PALM: variants seen among roughly 807,000 people sequenced by gnomAD.
PALM encodes the protein paralemmin.
Under a neutral mutation model 30.7 loss-of-function variants are expected in PALM, and 18 were observed. The observed-to-expected ratio is 0.59, with a 90% CI of 0.41 to 0.87. The LOEUF is 0.87. Ranked by LOEUF, PALM falls within the 40% of genes least tolerant of loss-of-function variation. The pLI, the probability that PALM is intolerant of heterozygous loss-of-function variation, is 0.00. For synonymous variants in PALM, 286 were observed against 242.8 expected (o/e 1.18, Z -1.66); for missense variants, 529 against 555.4 (o/e 0.95, Z 0.48).
intron 4 of PALM, among the ~76,000 whole-genome samples, chr19:730,194 G>A (rs1049743856): frequency 1.0e-4 from 12 of 114,780 alleles, no homozygotes; most frequent in Non-Finnish European, 1.5e-4. Flanking sequence ...CCTGCAGGAA[G>A]CCCTCCAGGC....
At position 746,328 on chromosome 19, in the gene PALM, C is replaced by A. The variant is rs141530338; in HGVS notation, c.678C>A (p.Pro226=). ...GCACCGCCGAGAACGGGATCCACCC[C>A]CTGAGCTCCTCCGAGGTGGACGAAC... ...VDGTAENGIH[P]LSSSEVDELI... is the part of the protein sequence containing the mutation. Residue 226 remains proline (P), a synonymous_variant, in exon 9 of 9, where the codon CCC becomes CCA. Transcript: ENST00000338448. The surrounding 1 kb of genome is among the most constrained non-coding windows in gnomAD (Gnocchi z 7.1). 1 of 1,613,370 alleles carries A rather than the reference C, an allele frequency of 6.2e-7. No homozygotes were observed. The highest frequency in any genetic ancestry group is 1.7e-5 in the Admixed American group (1 of 59,988).
intron 1 of PALM, chr19:719,176 G>C (rs1225050779): frequency 1.2e-5 from 12 of 985,290 alleles, no homozygotes; most frequent in Non-Finnish European, 1.3e-5. Flanking sequence ...GTTCTGGAAG[G>C]ACGAGTGCGA....
In PALM at chr19:747,013, G is replaced by A. The variant is rs935584613; in HGVS notation, c.*199G>A. 14 of 584,608 alleles carry A rather than the reference G, an allele frequency of 2.4e-5. No homozygotes were observed. The highest frequency in any genetic ancestry group is 7.5e-5 in the African/African-American group (4 of 53,352). The allele number at this position is 584,608 out of a possible 1,614,324, so 36.2% of individuals were successfully genotyped here. ...GTCACCACGCCCCAACACTCCCCCC[G>A]AACCAGAGCCGTGCACTTGTGCCTG... On this transcript the variant is annotated 3_prime_UTR_variant, in exon 9 of 9. Transcript: ENST00000338448.
intron 7 of PALM, 128 bp from the exon 8 acceptor site, chr19:740,224 C>G: frequency 1.1e-6 from 1 of 918,588 alleles, no homozygotes; most frequent in Non-Finnish European, 1.6e-6. Context: ...CAGGCATCCC[C>G]GGCTCCGCCT....
At position 729,089 on chromosome 19, in the gene PALM, G is replaced by A. The variant is rs79783811; in HGVS notation, c.269+1395G>A. Among the ~76,000 whole-genome samples the A allele has an allele frequency of 0.021, 3,201 of 151,248 alleles. 229 individuals carry two copies. The East Asian group carries it at 0.28, about 13-fold the overall frequency. The stretch of plus-strand genomic sequence containing the variant: ...CACCTGTAATGCCAGCACTTTGGGA[G>A]GCCGAGGCAGGAGGATCACCTGAGG... On this transcript the variant is annotated intron_variant, in intron 4 of 8. Transcript: ENST00000338448.
chr19:719,662 G>T (rs1250437500), intron 1 of PALM: 2 of 980,958 alleles, frequency 2.0e-6, no homozygotes, highest in South Asian at 4.7e-5. Flanking sequence ...CAGCATGTAA[G>T]ACCTTTTGTG....
At position 722,124 on chromosome 19, in the gene PALM, T is replaced by C. The variant is rs1380702178; in HGVS notation, c.6-4014T>C. Among the ~76,000 whole-genome samples, 5 of 150,722 alleles carry C rather than the reference T, an allele frequency of 3.3e-5. No individual in the cohort carries two copies. The East Asian group carries it at 5.9e-4, about 18-fold the overall frequency. On this transcript the variant is annotated intron_variant, in intron 1 of 8. Transcript: ENST00000338448. The stretch of plus-strand genomic sequence containing the variant: ...TAGTAGAGACGGGGTTTCACCGTGT[T>C]AGCCAGGATGGTCTCGATCTCCTGA...
Position 726,129 on chromosome 19 carries a change from C to A in PALM, c.6-9C>A. On this transcript the variant is annotated splice_polypyrimidine_tract_variant and intron_variant, in intron 1 of 8. Transcript: ENST00000338448. ...TGAACCAGAGCTTGACCTTATCTCC[C>A]TCCCGCAGGGTCCTGGCGGCAGAGA... is the stretch of plus-strand genomic sequence containing the variant. 6.2e-7 allele frequency: 1 copy of A among 1,611,876 alleles called. No homozygotes were observed. The highest frequency in any genetic ancestry group is 8.5e-7 in the Non-Finnish European group (1 of 1,178,386).
chr19:714,237 A>G (rs2032181134), intron 1 of PALM, among the ~76,000 whole-genome samples: 1 of 143,246 alleles, frequency 7.0e-6, no homozygotes, highest in Non-Finnish European at 1.5e-5. Context: ...ACAGAGTTTC[A>G]CCATGTTGGC....
chr19:747,968 C>G lies in PALM; in HGVS notation c.*1154C>G, dbSNP rs578178017. ...GTCTCACACGTTGGCTTTGGACAAC[C>G]AGGCCCCAACTTGGTCCCTGCCCTA... is the stretch of plus-strand genomic sequence containing the variant. On this transcript the variant is annotated 3_prime_UTR_variant, in exon 9 of 9. Coordinates refer to ENST00000338448, the MANE Select transcript of PALM (RefSeq NM_002579.3). The G allele has an allele frequency of 1.3e-5, 2 of 152,730 alleles. No individual in the cohort carries two copies. Among genetic ancestry groups the G allele is most frequent in the South Asian group, 4.1e-4 (2 of 4,832 alleles). 9.5% of individuals were successfully genotyped at this position (152,730 alleles called of 1,614,324 possible).
chr19:717,008 C>G (rs1359700758), intron 1 of PALM, among the ~76,000 whole-genome samples: 1 of 151,992 alleles, frequency 6.6e-6, no homozygotes, highest in Non-Finnish European at 1.5e-5. Context: ...CGGCTCACTG[C>G]AACCTCCGCC....
chr19:719,813 G>C (rs1038937249), intron 1 of PALM, among the ~76,000 whole-genome samples: 2 of 152,092 alleles, frequency 1.3e-5, no homozygotes, highest in African/African-American at 4.8e-5. Flanking sequence ...CGCCCTGCCC[G>C]GCCTCAGTTT....
chr19:745,441 C>G (rs1271342897), intron 8 of PALM, among the ~76,000 whole-genome samples: 4 of 152,160 alleles, frequency 2.6e-5, no homozygotes, highest in African/African-American at 4.8e-5. Flanking sequence ...CGCCTGTCAT[C>G]CCAGCACTTT....
At position 709,652 on chromosome 19, in the gene PALM, G is replaced by A. The variant is rs2032005760; in HGVS notation, c.5+501G>A. Among the ~76,000 whole-genome samples the A allele has an allele frequency of 6.6e-6, 1 of 151,868 alleles. No individual in the cohort carries two copies. Among genetic ancestry groups the A allele is most frequent in the Non-Finnish European group, 1.5e-5 (1 of 67,898 alleles). ...TGCCCCCCACCCCCGCCCTTCCCAA[G>A]GGCCTCCAGGGGTGTCCTGAGCCCC... On this transcript the variant is annotated intron_variant, in intron 1 of 8. Transcript: ENST00000338448. This position sits in a 1 kb window ranked among gnomAD's most constrained non-coding sequence, Gnocchi z 4.3.
intron 1 of PALM, among the ~76,000 whole-genome samples, chr19:715,120 C>T (rs553172379): frequency 5.9e-5 from 9 of 152,184 alleles, no homozygotes; most frequent in East Asian, 1.9e-4. Context: ...AAAAATTAGC[C>T]GGGCGGGCGT....
chr19:740,300 G>T, intron 7 of PALM, 52 bp from the exon 8 acceptor site: 5 of 1,503,992 alleles, frequency 3.3e-6, no homozygotes, highest in Non-Finnish European at 4.5e-6. Context: ...AGCCCGGCGG[G>T]GGGGTGCGGG....
At chr19:713,469 A>G (rs1314427301) in intron 1 of PALM, among the ~76,000 whole-genome samples, 1 of 152,082 alleles carries the variant, frequency 6.6e-6, no homozygotes, top group Non-Finnish European at 1.5e-5. Flanking sequence ...CAGGTGCTTT[A>G]TGGGCCTGGA....
At position 734,229 on chromosome 19, in the gene PALM, C is replaced by T. The variant is rs374836095; in HGVS notation, c.442+35C>T. 16 of 1,606,666 alleles carry T rather than the reference C, an allele frequency of 1.0e-5. No individual in the cohort carries two copies. In the African/African-American group the frequency reaches 1.1e-4, roughly 11 times the overall value. Reference sequence around the variant, plus strand: ...CTGGAAGGAACTCGTGGGGCCTCGGCGCACTCTGGTGGCCAGAGAGGGGAT... The same window carrying T: ...CTGGAAGGAACTCGTGGGGCCTCGGTGCACTCTGGTGGCCAGAGAGGGGAT... On this transcript the variant is annotated intron_variant, in intron 6 of 8. Transcript: ENST00000338448.
At chr19:712,966 G>A (rs940943653) in intron 1 of PALM, among the ~76,000 whole-genome samples, 16 of 152,208 alleles carry the variant, frequency 1.1e-4, no homozygotes, top group East Asian at 1.9e-4. Flanking sequence ...GTGAGGCACC[G>A]TGCACGGCCC....
Sources: allele counts gnomAD v4.1 joint callset (sites outside exome capture counted in the v4.1 genomes callset), GRCh38; gene constraint gnomAD v4.1.1; non-coding constraint Gnocchi (gnomAD v3.1); transcripts MANE v1.5; gene names NCBI Gene and HGNC (gene_info 2026-07-23, HGNC 2026-07-21).